The following CADM1 variants were observed in gnomAD, a reference collection of about 807,000 sequenced individuals.
CADM1 encodes the protein cell adhesion molecule 1.
CADM1 carries 15 observed loss-of-function variants against 53.1 expected under a neutral mutation model. The ratio of observed to expected loss-of-function variants is 0.28; its 90% confidence interval spans 0.19 to 0.44. CADM1 has a LOEUF of 0.44. CADM1 is among the 20% of genes least tolerant of loss of function. The pLI, the probability that CADM1 is intolerant of heterozygous loss-of-function variation, is 1.00. For synonymous variants in CADM1, 281 were observed against 243.0 expected (o/e 1.16, Z -1.45); for missense variants, 434 against 611.3 (o/e 0.71, Z 3.06).
intron 1 of CADM1, among the ~76,000 whole-genome samples, chr11:115,390,740 G>C (rs1342441553): frequency 6.6e-6 from 1 of 151,452 alleles, no homozygotes; most frequent in Non-Finnish European, 1.5e-5. Flanking sequence ...AAACAAAAGA[G>C]GAAGTTTCTA....
intron 1 of CADM1, among the ~76,000 whole-genome samples, chr11:115,431,089 A>C (rs1286669205): frequency 2.0e-5 from 3 of 152,166 alleles, no homozygotes; most frequent in African/African-American, 7.2e-5. Flanking sequence ...AAGGAGAAAA[A>C]AGGGTAAGAA....
chr11:115,299,354 C>A (rs1340687638), intron 1 of CADM1, among the ~76,000 whole-genome samples: 1 of 152,024 alleles, frequency 6.6e-6, no homozygotes, highest in African/African-American at 2.4e-5. Context: ...ATATTTTCTC[C>A]CTGCCCCACA....
At chr11:115,349,969 GTTTTGTT>G (rs1298845754) in intron 1 of CADM1, among the ~76,000 whole-genome samples, 1 of 151,984 alleles carries the variant, frequency 6.6e-6, no homozygotes, top group Non-Finnish European at 1.5e-5. Context: ...TTCTTTGTTT[GTTTTGTT>G]TTTTGTTTTT....
chr11:115,237,987 G>A (rs1456752312), intron 3 of CADM1, among the ~76,000 whole-genome samples: 1 of 152,156 alleles, frequency 6.6e-6, no homozygotes, highest in Admixed American at 6.5e-5. Flanking sequence ...TGTTCATGGA[G>A]TATGATTTTT....
At chr11:115,457,535 G>A (rs1399333769) in intron 1 of CADM1, among the ~76,000 whole-genome samples, 2 of 152,148 alleles carry the variant, frequency 1.3e-5, no homozygotes, top group Non-Finnish European at 2.9e-5. Context: ...AGGGGTAGGA[G>A]AGAAAACCCA....
chr11:115,256,882 G>A, intron 1 of CADM1: 1 of 456,060 alleles, frequency 2.2e-6, no homozygotes. Context: ...TCTCTGAACA[G>A]TTTTCTGCTG....
At position 115,175,065 on chromosome 11, in the gene CADM1, A is replaced by G; in HGVS notation, c.*1409T>C. On this transcript the variant is annotated 3_prime_UTR_variant, in exon 12 of 12. Coordinates refer to ENST00000331581, the MANE Select transcript of CADM1 (RefSeq NM_001301043.2). ...TGGCAGATGGTTCTTAAGGCTGAGG[A>G]AAGAGGCCAAGGCTAGTGTATGAAA... 1 of 985,844 alleles carries G rather than the reference A, an allele frequency of 1.0e-6. No homozygotes were observed. The highest frequency in any genetic ancestry group is 1.7e-5 in the African/African-American group (1 of 57,352). The allele number at this position is 985,844 out of a possible 1,614,324, so 61.1% of individuals were successfully genotyped here.
rs1388822069 is a variant in CADM1 at position 115,190,935 on chromosome 11, G to C, written c.1118C>G (p.Thr373Ser). The C allele has an allele frequency of 6.3e-7, 1 of 1,592,856 alleles. No homozygotes were observed. The highest frequency in any genetic ancestry group is 8.5e-7 in the Non-Finnish European group (1 of 1,177,288). ...TTCTTCTGCGGAATTGGGCAACTGA[G>C]TAAGGCCTTACAAGTAAAAACAAAT... is the stretch of plus-strand genomic sequence containing the variant. Reference protein sequence around the residue: ...ATTEPAVHGLTQLPNSAEELD... With the variant: ...ATTEPAVHGLSQLPNSAEELD... Residue 373 changes from threonine to serine, a missense_variant, in exon 10 of 12, where the codon ACT becomes AGT. Transcript: ENST00000331581.
In CADM1 at chr11:115,220,034, A is replaced by G. The variant is rs183550410; in HGVS notation, c.722-2043T>C. Among the ~76,000 whole-genome samples the G allele has an allele frequency of 7.2e-3, 1,098 of 152,222 alleles. 8 individuals carry two copies. The highest frequency in any genetic ancestry group is 9.9e-3 in the Non-Finnish European group (676 of 68,012). Reference sequence around the variant, plus strand: ...TTTAAAGCCCAAAATTTGGGCTGAAATGTAACATCTGCTTATAGGTTAATC... The same window carrying G: ...TTTAAAGCCCAAAATTTGGGCTGAAGTGTAACATCTGCTTATAGGTTAATC... On this transcript the variant is annotated intron_variant, in intron 5 of 11. Coordinates refer to ENST00000331581, the MANE Select transcript of CADM1 (RefSeq NM_001301043.2).
chr11:115,199,329 G>C (rs759237763), intron 8 of CADM1, among the ~76,000 whole-genome samples: 3 of 152,234 alleles, frequency 2.0e-5, no homozygotes, highest in African/African-American at 7.2e-5. Context: ...TTCATGGCTG[G>C]AGTAGGAGAG....
At chr11:115,328,184 C>T (rs1013025143) in intron 1 of CADM1, among the ~76,000 whole-genome samples, 1 of 151,840 alleles carries the variant, frequency 6.6e-6, no homozygotes, top group African/African-American at 2.4e-5. Context: ...ATGAAGACAC[C>T]CAGAACGAAA....
intron 1 of CADM1, among the ~76,000 whole-genome samples, chr11:115,346,218 C>T (rs1233091503): frequency 2.0e-5 from 3 of 152,192 alleles, no homozygotes; most frequent in African/African-American, 7.2e-5. Flanking sequence ...AATTGACTTA[C>T]CTTGCCACCC....
chr11:115,292,819 C>A (rs997985687), intron 1 of CADM1, among the ~76,000 whole-genome samples: 1 of 152,180 alleles, frequency 6.6e-6, no homozygotes, highest in Non-Finnish European at 1.5e-5. Flanking sequence ...TTTCCACTAT[C>A]CTGAAGCAGG....
chr11:115,193,378 TG>T (rs1277937197), intron 9 of CADM1, among the ~76,000 whole-genome samples: 1 of 152,248 alleles, frequency 6.6e-6, no homozygotes, highest in African/African-American at 2.4e-5. Context: ...GGATTATTTT[TG>T]AGCAATTAAT....
intron 8 of CADM1, among the ~76,000 whole-genome samples, chr11:115,198,809 A>G (rs1000098699): frequency 6.6e-6 from 1 of 152,212 alleles, no homozygotes; most frequent in Admixed American, 6.5e-5. Flanking sequence ...ACTGCGACAG[A>G]AAAGCTCAGT....
At chr11:115,232,411 A>G (rs576769229) in intron 3 of CADM1, among the ~76,000 whole-genome samples, 76 of 152,354 alleles carry the variant, frequency 5.0e-4, no homozygotes, top group South Asian at 2.7e-3. Flanking sequence ...ATGAAGATGC[A>G]GTAATATAAG....
intron 11 of CADM1, among the ~76,000 whole-genome samples, chr11:115,178,193 C>T (rs1011432313): frequency 4.6e-5 from 7 of 152,192 alleles, no homozygotes; most frequent in Non-Finnish European, 8.8e-5. Context: ...AGGCAGTCTT[C>T]TCGCCATTGT....
chr11:115,268,531 A>G (rs1246892325), intron 1 of CADM1, among the ~76,000 whole-genome samples: 1 of 152,312 alleles, frequency 6.6e-6, no homozygotes, highest in East Asian at 1.9e-4. Flanking sequence ...TCTGTGCTCA[A>G]TAAAAAAAGC....
intron 10 of CADM1, among the ~76,000 whole-genome samples, chr11:115,179,801 C>T (rs1465998444): frequency 3.3e-5 from 5 of 151,998 alleles, no homozygotes; most frequent in Non-Finnish European, 5.9e-5. Flanking sequence ...AGCACAGCAG[C>T]AACAGAAACG....
Sources: gnomAD v4.1 joint callset for allele counts (sites outside exome capture counted in the v4.1 genomes callset) on GRCh38, gnomAD v4.1.1 for gene constraint, MANE v1.5 for transcripts, NCBI Gene and HGNC (gene_info 2026-07-23, HGNC 2026-07-21) for gene names.